Variants in CLIC4 observed in about 807,000 individuals in gnomAD.
CLIC4 encodes chloride intracellular channel protein 4.
Under a neutral mutation model 24.6 loss-of-function variants are expected in CLIC4, and 13 were observed. The observed-to-expected ratio is 0.53, with a 90% CI of 0.34 to 0.84. The LOEUF is 0.84. Ranked by LOEUF, CLIC4 falls within the 40% of genes least tolerant of loss-of-function variation. CLIC4 has a pLI of 0.01. For synonymous variants in CLIC4, 104 were observed against 111.3 expected (o/e 0.93, Z 0.41); for missense variants, 227 against 301.7 (o/e 0.75, Z 1.83).
At chr1:24,815,498 G>A (rs749274826) in intron 3 of CLIC4, among the ~76,000 whole-genome samples, 10 of 151,906 alleles carry the variant, frequency 6.6e-5, no homozygotes, top group Non-Finnish European at 1.2e-4. Flanking sequence ...GCAAAACTCC[G>A]TCTCAAAAAA....
intron 3 of CLIC4, among the ~76,000 whole-genome samples, chr1:24,817,906 CAG>C (rs1453696425): frequency 3.3e-5 from 5 of 152,234 alleles, no homozygotes; most frequent in Admixed American, 6.5e-5. Context: ...GAGGGAAAGA[CAG>C]GGGAACAGCA....
In CLIC4 at chr1:24,844,100, C is replaced by T. The variant is rs1473775053; in HGVS notation, c.*3163C>T. 6.6e-5 allele frequency: 10 copies of T among 152,520 alleles called. No individual in the cohort carries two copies. The highest frequency in any genetic ancestry group is 1.2e-4 in the Non-Finnish European group (8 of 67,988). 9.4% of individuals were successfully genotyped at this position (152,520 alleles called of 1,614,324 possible). Reference sequence around the variant, plus strand: ...TTTTATCATGGAAAAATTTCAACTCCTCAAGCCGTAATGTTGAACAGAATT... The same window carrying T: ...TTTTATCATGGAAAAATTTCAACTCTTCAAGCCGTAATGTTGAACAGAATT... On this transcript the variant is annotated 3_prime_UTR_variant, in exon 6 of 6. Coordinates refer to ENST00000374379, the MANE Select transcript of CLIC4 (RefSeq NM_013943.3).
intron 2 of CLIC4, among the ~76,000 whole-genome samples, chr1:24,810,157 C>A (rs1410061998): frequency 6.6e-6 from 1 of 152,210 alleles, no homozygotes; most frequent in Non-Finnish European, 1.5e-5. Context: ...TCTTCCCTAA[C>A]CACAATGCTC....
At chr1:24,767,806 C>T (rs1639020360) in intron 1 of CLIC4, among the ~76,000 whole-genome samples, 1 of 151,386 alleles carries the variant, frequency 6.6e-6, no homozygotes, top group Admixed American at 6.6e-5. Context: ...TGGTTCTGTA[C>T]AAATACTCTT....
chr1:24,838,398 A>G lies in CLIC4; in HGVS notation c.416-1462A>G, dbSNP rs189586671. On this transcript the variant is annotated intron_variant, in intron 4 of 5. Coordinates refer to ENST00000374379, the MANE Select transcript of CLIC4 (RefSeq NM_013943.3). ...AATCCGTTCATTCCTTTTTATGCCT[A>G]TAGCCCCTTACCTAACTAAGACTAC... Among the ~76,000 whole-genome samples the G allele has an allele frequency of 2.3e-3, 351 of 152,246 alleles. 14 individuals are homozygous for G. The highest frequency in any genetic ancestry group is 0.023 in the Admixed American group (345 of 15,292).
Position 24,797,731 on chromosome 1 carries a change from C to T in CLIC4, c.73-11C>T, listed in dbSNP as rs1240259491. ...TTGACCTTGTTTTTAATGTTTAATT[C>T]TGTTTTCCAGGCTGGCAGTGATGGT... On this transcript the variant is annotated splice_polypyrimidine_tract_variant and intron_variant, in intron 1 of 5. Transcript: ENST00000374379. The T allele has an allele frequency of 1.9e-6, 3 of 1,583,606 alleles. No individual in the cohort carries two copies. The highest frequency in any genetic ancestry group is 2.7e-5 in the African/African-American group (2 of 73,234).
chr1:24,840,809 A>G lies in CLIC4; in HGVS notation c.634A>G (p.Lys212Glu), dbSNP rs375403708. 1.9e-6 allele frequency: 3 copies of G among 1,609,114 alleles called. No individual in the cohort carries two copies. Among genetic ancestry groups the G allele is most frequent in the African/African-American group, 2.7e-5 (2 of 74,782 alleles). ...AAAATATCGCAACTTTGATATTCCA[A>G]AAGAAATGACTGGCATCTGGAGATA... Reference protein sequence around the residue: ...AKKYRNFDIPKEMTGIWRYLT... With the variant: ...AKKYRNFDIPEEMTGIWRYLT... The change falls in exon 6 of 6, where the codon AAA (lysine) becomes GAA (glutamate). Residue 212 changes from lysine (K) to glutamate (E), a missense_variant. Physicochemically the swap from Lys to Glu is moderately conservative, Grantham distance 56 (BLOSUM62 1). Transcript: ENST00000374379.
At chr1:24,820,605 T>TATTTGCC (rs1198190050) in intron 3 of CLIC4, among the ~76,000 whole-genome samples, 1 of 152,150 alleles carries the variant, frequency 6.6e-6, no homozygotes, top group Non-Finnish European at 1.5e-5. Flanking sequence ...GTAGGTTCCA[T>TATTTGCC]ATTTGCCAAC....
At chr1:24,798,019 G>A (rs922539455) in intron 2 of CLIC4, 168 bp downstream of exon 2, 4 of 543,420 alleles carry the variant, frequency 7.4e-6, no homozygotes, top group African/African-American at 5.9e-5. Flanking sequence ...AAGTCACGCT[G>A]TCAGTATACT....
In CLIC4 at chr1:24,799,217, G is replaced by C. The variant is rs117769315; in HGVS notation, c.182+1366G>C. 4.0e-3 allele frequency among the ~76,000 whole-genome samples: 605 copies of C among 149,388 alleles called. 34 individuals carry two copies. In the East Asian group the frequency reaches 0.097, roughly 24 times the overall value. On this transcript the variant is annotated intron_variant, in intron 2 of 5. Coordinates refer to ENST00000374379, the MANE Select transcript of CLIC4 (RefSeq NM_013943.3). Reference sequence around the variant, plus strand: ...GAAGTGAGGAGCGGCGCCTCTTCCCGGCTGCCATCACATCTAGGAAGTGAG... The same window carrying C: ...GAAGTGAGGAGCGGCGCCTCTTCCCCGCTGCCATCACATCTAGGAAGTGAG...
At chr1:24,787,941 C>T (rs921684946) in intron 1 of CLIC4, among the ~76,000 whole-genome samples, 2 of 151,350 alleles carry the variant, frequency 1.3e-5, no homozygotes, top group Non-Finnish European at 2.9e-5. Flanking sequence ...CTGCAACCTC[C>T]GCCTCCCAAG....
chr1:24,755,996 A>ATTTTTTTTT (rs972121749), intron 1 of CLIC4, among the ~76,000 whole-genome samples: 2 of 63,392 alleles, frequency 3.2e-5, no homozygotes, highest in Non-Finnish European at 6.6e-5. Context: ...TAATTTTTTG[A>ATTTTTTTTT]TTTTTTTTTT....
At chr1:24,838,240 A>G (rs1426264292) in intron 4 of CLIC4, among the ~76,000 whole-genome samples, 2 of 152,174 alleles carry the variant, frequency 1.3e-5, no homozygotes, top group Non-Finnish European at 2.9e-5. Context: ...GTTTTATTCA[A>G]CAGTGAATTT....
intron 1 of CLIC4, among the ~76,000 whole-genome samples, chr1:24,754,417 T>G (rs1638816408): frequency 6.6e-6 from 1 of 152,166 alleles, no homozygotes; most frequent in African/African-American, 2.4e-5. Flanking sequence ...GTTAGAGCTG[T>G]GGAGCCTCCG....
intron 1 of CLIC4, among the ~76,000 whole-genome samples, chr1:24,763,184 G>T (rs1391910674): frequency 1.3e-5 from 2 of 152,050 alleles, no homozygotes; most frequent in East Asian, 1.9e-4. Flanking sequence ...GCTAAGACAG[G>T]TTCTTCCTTT....
chr1:24,798,034 G>T, intron 2 of CLIC4, 183 bp downstream of exon 2: 2 of 472,586 alleles, frequency 4.2e-6, no homozygotes, highest in Admixed American at 4.2e-5. Flanking sequence ...TATACTGCGT[G>T]GCTACTCAGT....
intron 1 of CLIC4, among the ~76,000 whole-genome samples, chr1:24,753,924 C>A (rs1224162572): frequency 6.6e-6 from 1 of 152,106 alleles, no homozygotes; most frequent in Non-Finnish European, 1.5e-5. Context: ...AATAAATTTT[C>A]TATAGGAAAT....
chr1:24,798,686 C>T (rs894134724), intron 2 of CLIC4, among the ~76,000 whole-genome samples: 3 of 151,878 alleles, frequency 2.0e-5, no homozygotes, highest in Admixed American at 6.5e-5. Context: ...TCTCTTTCCA[C>T]GGTCTCCCTC....
intron 1 of CLIC4, among the ~76,000 whole-genome samples, chr1:24,792,197 A>G (rs1260082574): frequency 6.6e-6 from 1 of 151,380 alleles, no homozygotes. Flanking sequence ...TATAATATAT[A>G]TATTTTAAAT....
Sources: gnomAD v4.1 joint callset for allele counts (sites outside exome capture counted in the v4.1 genomes callset) on GRCh38, gnomAD v4.1.1 for gene constraint, MANE v1.5 for transcripts, NCBI Gene and HGNC (gene_info 2026-07-23, HGNC 2026-07-21) for gene names.